NELL2: variants seen among roughly 807,000 people sequenced by gnomAD.
NELL2 encodes neural EGFL like 2.
Under a neutral mutation model 109.6 loss-of-function variants are expected in NELL2, and 41 were observed. That is an observed-to-expected ratio of 0.37 (90% CI 0.29 to 0.49). The LOEUF (loss-of-function observed/expected upper bound fraction) is 0.49, where lower values mean the gene tolerates loss of function less well. Ranked by LOEUF, NELL2 falls within the 20% of genes least tolerant of loss-of-function variation. The pLI, the probability that NELL2 is intolerant of heterozygous loss-of-function variation, is 0.98. For synonymous variants in NELL2, 355 were observed against 344.7 expected (o/e 1.03, Z -0.33); for missense variants, 900 against 1,008.3 (o/e 0.89, Z 1.45).
At chr12:44,743,037 A>C (rs1372655370) in intron 9 of NELL2, among the ~76,000 whole-genome samples, 3 of 152,216 alleles carry the variant, frequency 2.0e-5, no homozygotes, top group Non-Finnish European at 2.9e-5. Flanking sequence ...AAAAATGTTA[A>C]GGGCAGCCAG....
chr12:44,853,679 A>G (rs1164386223), intron 2 of NELL2, among the ~76,000 whole-genome samples: 3 of 152,240 alleles, frequency 2.0e-5, no homozygotes, highest in Non-Finnish European at 4.4e-5. Flanking sequence ...TAATACTTAC[A>G]TTACAACAGA....
intron 9 of NELL2, among the ~76,000 whole-genome samples, chr12:44,738,944 T>C (rs770196160): frequency 3.9e-5 from 6 of 152,332 alleles, no homozygotes; most frequent in Non-Finnish European, 5.9e-5. Flanking sequence ...TCATGGACTA[T>C]AAAGATTCAG....
intron 2 of NELL2, among the ~76,000 whole-genome samples, chr12:44,858,091 G>A (rs1320368478): frequency 1.3e-5 from 2 of 152,152 alleles, no homozygotes; most frequent in Middle Eastern, 3.2e-3. Flanking sequence ...TTTAATGAAT[G>A]TTTAGTAAAT....
intron 2 of NELL2, among the ~76,000 whole-genome samples, chr12:44,853,406 C>A (rs1438820461): frequency 6.6e-6 from 1 of 152,084 alleles, no homozygotes; most frequent in East Asian, 1.9e-4. Flanking sequence ...CAGGCAAACC[C>A]AAGTCTGAAT....
rs1217580926 is a variant in NELL2 at position 44,816,116 on chromosome 12, C to A, written c.205G>T (p.Ala69Ser). Residue 69 changes from alanine to serine, a missense_variant, in exon 3 of 20, where the codon GCA (alanine) becomes TCA (serine). Around this residue, in one of 4 missense-constraint regions of NELL2, gnomAD observed 200 missense variants for 191.8 expected, o/e 1.04. Coordinates refer to ENST00000429094, the MANE Select transcript of NELL2 (RefSeq NM_001145108.2). ...AACTGTTCAGCTGTAGCAGTGGATG[C>A]TTTTATGCTTCTGGGAGTATCTAAA... The part of the protein sequence containing the change: ...LFQDTPRSIK[A>S]STATAEQFFQ... 1.2e-6 allele frequency: 2 copies of A among 1,609,432 alleles called. No homozygotes were observed. The highest frequency in any genetic ancestry group is 1.1e-5 in the South Asian group (1 of 89,836).
At chr12:44,739,453 A>C (rs978642774) in intron 9 of NELL2, among the ~76,000 whole-genome samples, 4 of 152,228 alleles carry the variant, frequency 2.6e-5, no homozygotes, top group African/African-American at 9.6e-5. Flanking sequence ...ACTATGACCC[A>C]GAAGCCAAAT....
intron 2 of NELL2, among the ~76,000 whole-genome samples, chr12:44,832,577 C>A (rs1227580283): frequency 1.3e-5 from 2 of 152,168 alleles, no homozygotes; most frequent in African/African-American, 4.8e-5. Context: ...TACTTCCACG[C>A]CTTTTCATAA....
intron 9 of NELL2, among the ~76,000 whole-genome samples, chr12:44,720,885 T>A (rs187600900): frequency 6.6e-6 from 1 of 152,162 alleles, no homozygotes; most frequent in African/African-American, 2.4e-5. Context: ...AGGACCAAAG[T>A]GTGCTTCCCA....
intron 12 of NELL2, among the ~76,000 whole-genome samples, chr12:44,670,917 T>C (rs984237862): frequency 1.2e-4 from 18 of 152,134 alleles, no homozygotes; most frequent in African/African-American, 4.3e-4. Context: ...CAAAGAAAGA[T>C]CAGACTTAAT....
chr12:44,897,663 C>T (rs937643490), intron 1 of NELL2, among the ~76,000 whole-genome samples: 4 of 152,106 alleles, frequency 2.6e-5, no homozygotes, highest in Admixed American at 2.6e-4. Context: ...ACCACCAGGG[C>T]CCTGGCTTTC....
At chr12:44,875,463 T>C (rs373295172) in intron 1 of NELL2, 110 bp from the exon 2 acceptor site, 2 of 1,613,814 alleles carry the variant, frequency 1.2e-6, no homozygotes, top group African/African-American at 1.3e-5. Context: ...TATTGGGAAC[T>C]GAAGATGAGA....
chr12:44,684,980 T>C (rs1264630927), intron 12 of NELL2, among the ~76,000 whole-genome samples: 5 of 152,124 alleles, frequency 3.3e-5, no homozygotes. Flanking sequence ...CCTTGTTGAC[T>C]TTCTGTCTCG....
chr12:44,552,089 G>C (rs1943062521), intron 15 of NELL2, among the ~76,000 whole-genome samples: 1 of 152,160 alleles, frequency 6.6e-6, no homozygotes, highest in East Asian at 1.9e-4. Flanking sequence ...TACTGCTAAT[G>C]TGGTGTCTGT....
intron 2 of NELL2, among the ~76,000 whole-genome samples, chr12:44,874,213 T>G (rs2136842295): frequency 6.6e-6 from 1 of 152,280 alleles, no homozygotes. Flanking sequence ...CTTTAGTAAT[T>G]ATGAATTGCA....
chr12:44,672,212 G>A (rs368686653), intron 12 of NELL2, among the ~76,000 whole-genome samples: 3 of 152,154 alleles, frequency 2.0e-5, no homozygotes, highest in African/African-American at 4.8e-5. Context: ...CCGGGATGGC[G>A]AACCAGTACC....
At chr12:44,683,114 C>T (rs1566152662) in intron 12 of NELL2, among the ~76,000 whole-genome samples, 1 of 152,092 alleles carries the variant, frequency 6.6e-6, no homozygotes, top group African/African-American at 2.4e-5. Context: ...GTTTGTAGTT[C>T]TCCTTGAAGA....
intron 13 of NELL2, among the ~76,000 whole-genome samples, chr12:44,652,432 A>C (rs1320930815): frequency 6.6e-6 from 1 of 152,146 alleles, no homozygotes; most frequent in Non-Finnish European, 1.5e-5. Flanking sequence ...AATGTTGAGC[A>C]CCCCTCATTT....
At chr12:44,546,610 C>A (rs1406658912) in intron 15 of NELL2, among the ~76,000 whole-genome samples, 1 of 152,176 alleles carries the variant, frequency 6.6e-6, no homozygotes, top group Non-Finnish European at 1.5e-5. Flanking sequence ...AACCACACAA[C>A]CTGATGGCAC....
intron 9 of NELL2, among the ~76,000 whole-genome samples, chr12:44,757,563 T>C (rs1940943122): frequency 6.6e-6 from 1 of 152,132 alleles, no homozygotes; most frequent in South Asian, 2.1e-4. Flanking sequence ...TACATCTAAC[T>C]AGAAAAGATT....
Sources: allele counts gnomAD v4.1 joint callset (sites outside exome capture counted in the v4.1 genomes callset), GRCh38; gene constraint gnomAD v4.1.1; regional missense constraint gnomAD v4.1.1; transcripts MANE v1.5; gene names NCBI Gene and HGNC (gene_info 2026-07-23, HGNC 2026-07-21).